The following CAPN12 variants were observed in gnomAD, a reference collection of about 807,000 sequenced individuals.
The protein encoded by CAPN12 is calpain-12.
CAPN12 carries 107 observed loss-of-function variants against 95.0 expected under a neutral mutation model. That is an observed-to-expected ratio of 1.13 (90% CI 0.96 to 1.32). The LOEUF is 1.32. Among genes scored for constraint, CAPN12 ranks in the 40% most tolerant of loss-of-function variants. CAPN12 has a pLI of 0.00. For missense variants in CAPN12, 1,136 were observed against 997.8 expected (o/e 1.14, Z -1.87); for synonymous variants, 505 against 415.5 (o/e 1.22, Z -2.62).
In CAPN12 at chr19:38,730,595, G is replaced by C; in HGVS notation, c.*257C>G. On this transcript the variant is annotated 3_prime_UTR_variant, in exon 21 of 21. Transcript: ENST00000328867. ...GTCCTCCACCTTCTAGGAGAGCCAG[G>C]GCAGAGCTAGCACTGTCTTAAGCTG... 1.7e-6 allele frequency: 1 copy of C among 571,830 alleles called. No homozygotes were observed. The highest frequency in any genetic ancestry group is 3.1e-6 in the Non-Finnish European group (1 of 319,802). The allele number at this position is 571,830 out of a possible 1,614,324, so 35.4% of individuals were successfully genotyped here.
At chr19:38,734,454 G>A in intron 15 of CAPN12, 65 bp from the exon 16 acceptor site, 8 of 1,412,102 alleles carry the variant, frequency 5.7e-6, no homozygotes, top group Non-Finnish European at 7.7e-6. Flanking sequence ...TAAGGGCTGG[G>A]TGGATGTGAC....
rs1220482347 is a variant in CAPN12, at chr19:38,731,333, C to A, written c.1958-110G>T. Reference sequence around the variant, plus strand: ...CATGAATGCCACAGGGTGTCACACCCCAACTCTGCCCCATCCCGGCAGGGT... The same window carrying A: ...CATGAATGCCACAGGGTGTCACACCACAACTCTGCCCCATCCCGGCAGGGT... On this transcript the variant is annotated intron_variant, in intron 18 of 20. Coordinates refer to ENST00000328867, the MANE Select transcript of CAPN12 (RefSeq NM_144691.4). 6 of 785,784 alleles carry A rather than the reference C, an allele frequency of 7.6e-6. No individual in the cohort carries two copies. In the East Asian group the frequency reaches 1.5e-4, roughly 20 times the overall value. The allele number at this position is 785,784 out of a possible 1,614,324, so 48.7% of individuals were successfully genotyped here.
At position 38,733,715 on chromosome 19, in the gene CAPN12, G is replaced by A; in HGVS notation, c.1945C>T (p.Leu649=). 1 of 1,613,554 alleles carries A rather than the reference G, an allele frequency of 6.2e-7. No individual in the cohort carries two copies. Among genetic ancestry groups the A allele is most frequent in the Non-Finnish European group, 8.5e-7 (1 of 1,179,926 alleles). ...TMNSYELRLA[L]NAAGFHLNNQ... ...ACCCTGTCCACACCTGCTGCATTCA[G>A]TGCCAGCCTCAGCTCGTAGGAGTTC... Residue 649 remains leucine (L), a synonymous_variant, in exon 18 of 21, where the codon CTG becomes TTG. Transcript: ENST00000328867.
chr19:38,736,837 C>T (rs866862116), intron 10 of CAPN12: 9 of 589,226 alleles, frequency 1.5e-5, no homozygotes, highest in Non-Finnish European at 2.4e-5. Context: ...AACCTCGTCC[C>T]TCTGTCTGTC....
intron 3 of CAPN12, chr19:38,742,141 T>A (rs988785799): frequency 3.2e-6 from 2 of 628,778 alleles, no homozygotes; most frequent in African/African-American, 3.7e-5. Context: ...CTGGCTAAGA[T>A]GGTGAAATAC....
rs921087318 is a variant in CAPN12 at position 38,744,299 on chromosome 19, G to A, written c.-134C>T. ...CCTTCCCTCGTTAATATTAATTGAT[G>A]GTTTGGGGTGCTGGGGAGCAGGGAC... is the stretch of plus-strand genomic sequence containing the variant. On this transcript the variant is annotated 5_prime_UTR_variant, in exon 1 of 21. Coordinates refer to ENST00000328867, the MANE Select transcript of CAPN12 (RefSeq NM_144691.4). 1.6e-5 allele frequency: 14 copies of A among 849,480 alleles called. No homozygotes were observed. In the South Asian group the frequency reaches 2.2e-4, roughly 13 times the overall value. The allele number at this position is 849,480 out of a possible 1,614,324, so 52.6% of individuals were successfully genotyped here.
intron 14 of CAPN12, 106 bp downstream of exon 14, chr19:38,735,264 G>T: frequency 8.4e-7 from 1 of 1,184,148 alleles, no homozygotes; most frequent in Non-Finnish European, 1.2e-6. Context: ...CCGGAGGGAG[G>T]AAAAAGCAAG....
rs1418021451 is a variant in CAPN12 at position 38,731,117 on chromosome 19, G to A, written c.2064C>T (p.Thr688=). Residue 688 remains threonine, a synonymous_variant, in exon 19 of 21, where the codon ACC becomes ACT. Coordinates refer to ENST00000328867, the MANE Select transcript of CAPN12 (RefSeq NM_144691.4). The part of the protein sequence containing the change: ...ERFVSCVAHL[T]CIFCHCSQHL... ...CGGGGTGGTACTCACAGAAGATGCA[G>A]GTGAGGTGGGCCACACAGGACACGA... 1.2e-6 allele frequency: 2 copies of A among 1,611,972 alleles called. No homozygotes were observed. Among genetic ancestry groups the A allele is most frequent in the South Asian group, 1.1e-5 (1 of 90,874 alleles).
At chr19:38,734,048 C>T (rs532004690) in intron 17 of CAPN12, 94 bp downstream of exon 17, 307 of 1,385,252 alleles carry the variant, frequency 2.2e-4, no homozygotes, top group Non-Finnish European at 2.9e-4. Flanking sequence ...AGTACCCCCT[C>T]GTTCCCTGGG....
At chr19:38,733,921 T>A (rs765162964) in intron 17 of CAPN12, 140 bp from the exon 18 acceptor site, 68 of 807,268 alleles carry the variant, frequency 8.4e-5, no homozygotes, top group Non-Finnish European at 1.3e-4. Flanking sequence ...CCTAGCCACT[T>A]GGGACTTCTG....
At chr19:38,741,172 G>A (rs1015446124) in intron 4 of CAPN12, among the ~76,000 whole-genome samples, 1 of 152,160 alleles carries the variant, frequency 6.6e-6, no homozygotes, top group African/African-American at 2.4e-5. Flanking sequence ...CAGATTTGGT[G>A]AATCCAGGGC....
intron 9 of CAPN12, 35 bp downstream of exon 9, chr19:38,737,439 AC>A (rs766693388): frequency 2.5e-6 from 4 of 1,610,814 alleles, no homozygotes; most frequent in Non-Finnish European, 3.4e-6. Context: ...AGCGCCCCCC[AC>A]CCCAGGAAGC....
At chr19:38,735,574 G>T in intron 12 of CAPN12, 30 bp from the exon 13 acceptor site, 1 of 1,605,388 alleles carries the variant, frequency 6.2e-7, no homozygotes, top group East Asian at 2.3e-5. Context: ...AGTGGGGAGG[G>T]GGCTGTTTGC....
intron 10 of CAPN12, 87 bp from the exon 11 acceptor site, chr19:38,736,650 G>T: frequency 7.0e-7 from 1 of 1,435,188 alleles, no homozygotes; most frequent in Non-Finnish European, 9.5e-7. Context: ...TCACCTCTGT[G>T]CTCTCTCCCT....
intron 5 of CAPN12, chr19:38,739,448 C>CAAAAAAAAAAA (rs34076220): frequency 2.0e-5 from 1 of 50,992 alleles, no homozygotes; most frequent in Non-Finnish European, 3.5e-5. Context: ...GATTCCGTCT[C>CAAAAAAAAAAA]AAAAAAAAAA....
chr19:38,731,039 C>A lies in CAPN12; in HGVS notation c.2075-16G>T. 1.3e-6 allele frequency: 2 copies of A among 1,556,896 alleles called. No individual in the cohort carries two copies. Among genetic ancestry groups the A allele is most frequent in the South Asian group, 2.4e-5 (2 of 84,716 alleles). On this transcript the variant is annotated splice_polypyrimidine_tract_variant and intron_variant, in intron 19 of 20. Transcript: ENST00000328867. Reference sequence around the variant, plus strand: ...CTGCAGTGGCCTGTGCAGAGAGGGGCAGGGTGAGTGCCCACCAGTCCCCGT... The same window carrying A: ...CTGCAGTGGCCTGTGCAGAGAGGGGAAGGGTGAGTGCCCACCAGTCCCCGT...
intron 1 of CAPN12, among the ~76,000 whole-genome samples, chr19:38,743,702 C>T (rs1179467929): frequency 7.4e-6 from 1 of 135,616 alleles, no homozygotes; most frequent in South Asian, 2.6e-4. Flanking sequence ...AGGTCCCCAG[C>T]CCCTCCTCCC....
intron 1 of CAPN12, 42 bp from the exon 2 acceptor site, chr19:38,743,144 G>C: frequency 2.5e-6 from 4 of 1,611,118 alleles, no homozygotes; most frequent in Non-Finnish European, 3.4e-6. Flanking sequence ...CTGAGAAAGC[G>C]AGGAAAGGTC....
Position 38,736,100 on chromosome 19 carries a change from C to T in CAPN12, c.1583+10G>A, listed in dbSNP as rs767960558. 1.4e-6 allele frequency: 2 copies of T among 1,479,036 alleles called. No individual in the cohort carries two copies. Among genetic ancestry groups the T allele is most frequent in the Middle Eastern group, 2.0e-4 (1 of 4,948 alleles). The allele number at this position is 1,479,036 out of a possible 1,614,324, so 91.6% of individuals were successfully genotyped here. On this transcript the variant is annotated intron_variant, in intron 12 of 20. Coordinates refer to ENST00000328867, the MANE Select transcript of CAPN12 (RefSeq NM_144691.4). ...AGGGATGGGGTCGGATTTGGGTGCC[C>T]GGGGCTCACACGGCCGTGTGGCGGC...
Sources: allele counts gnomAD v4.1 joint callset (sites outside exome capture counted in the v4.1 genomes callset), GRCh38; gene constraint gnomAD v4.1.1; transcripts MANE v1.5; gene names NCBI Gene and HGNC (gene_info 2026-07-23, HGNC 2026-07-21).